The following SHC4 variants were observed in gnomAD, a reference collection of about 807,000 sequenced individuals.
SHC4 encodes SHC adaptor protein 4.
In SHC4, 41 loss-of-function variants were observed where a neutral mutation model predicts 69.4. That is an observed-to-expected ratio of 0.59 (90% CI 0.46 to 0.77). The LOEUF (loss-of-function observed/expected upper bound fraction) is 0.77. Among genes scored for constraint, SHC4 ranks in the 30% least tolerant of loss-of-function variants. SHC4 has a pLI of 0.00. For synonymous variants in SHC4, 318 were observed against 299.3 expected (o/e 1.06, Z -0.64); for missense variants, 777 against 783.8 (o/e 0.99, Z 0.10).
chr15:48,911,210 G>A (rs1441956549), intron 2 of SHC4, among the ~76,000 whole-genome samples: 2 of 151,988 alleles, frequency 1.3e-5, no homozygotes, highest in African/African-American at 4.8e-5. Flanking sequence ...TCATTTCTTA[G>A]GTCTATTAGT....
intron 2 of SHC4, among the ~76,000 whole-genome samples, chr15:48,900,461 C>T (rs1040731872): frequency 2.5e-4 from 38 of 150,584 alleles, no homozygotes; most frequent in East Asian, 2.0e-4. Flanking sequence ...AAGCTGAGAT[C>T]GTGCTACTGC....
At chr15:48,918,170 A>T (rs1250541282) in intron 2 of SHC4, among the ~76,000 whole-genome samples, 2 of 152,056 alleles carry the variant, frequency 1.3e-5, no homozygotes, top group Admixed American at 6.6e-5. Flanking sequence ...GCCCATGGAA[A>T]TTTTTTTTGA....
At chr15:48,849,862 G>A (rs1043705558) in intron 9 of SHC4, among the ~76,000 whole-genome samples, 1 of 152,158 alleles carries the variant, frequency 6.6e-6, no homozygotes, top group Admixed American at 6.5e-5. Context: ...AGAATGGCAT[G>A]GAATTTTAAT....
At chr15:48,839,805 T>C (rs1286515890) in intron 10 of SHC4, among the ~76,000 whole-genome samples, 1 of 152,242 alleles carries the variant, frequency 6.6e-6, no homozygotes, top group Non-Finnish European at 1.5e-5. Flanking sequence ...AGAAGGCAAA[T>C]ATGTTCTATG....
intron 1 of SHC4, among the ~76,000 whole-genome samples, chr15:48,956,669 A>T (rs1321989442): frequency 1.3e-5 from 2 of 152,002 alleles, no homozygotes; most frequent in Non-Finnish European, 2.9e-5. Context: ...TCTAAAACTT[A>T]CTGCCTCCAC....
chr15:48,902,742 C>T (rs965948392), intron 2 of SHC4, among the ~76,000 whole-genome samples: 1 of 152,174 alleles, frequency 6.6e-6, no homozygotes, highest in Non-Finnish European at 1.5e-5. Context: ...AAGTGCCATC[C>T]TAGCTCCAGA....
chr15:48,953,394 C>T lies in SHC4; in HGVS notation c.585+9037G>A, dbSNP rs183291694. The stretch of plus-strand genomic sequence containing the variant: ...CACAAGTTTACCTATGTAACATGTA[C>T]CCCTGAACTTAAAATAAAAGTTAAA... On this transcript the variant is annotated intron_variant, in intron 1 of 11. Coordinates refer to ENST00000332408, the MANE Select transcript of SHC4 (RefSeq NM_203349.4). 2.2e-4 allele frequency among the ~76,000 whole-genome samples: 33 copies of T among 152,068 alleles called. No individual in the cohort carries two copies. The East Asian group carries it at 4.8e-3, about 22-fold the overall frequency.
At chr15:48,836,548 CT>C (rs201585158) in intron 10 of SHC4, among the ~76,000 whole-genome samples, 6 of 150,704 alleles carry the variant, frequency 4.0e-5, no homozygotes, top group South Asian at 4.2e-4. Flanking sequence ...GACTTTGTTT[CT>C]TTTTTTTTGT....
chr15:48,954,779 A>AATAG (rs1555439579), intron 1 of SHC4, among the ~76,000 whole-genome samples: 22 of 152,174 alleles, frequency 1.4e-4, no homozygotes, highest in South Asian at 4.2e-4. Context: ...GCCCAGAGGC[A>AATAG]CCCCCTAGGC....
chr15:48,948,387 G>A (rs1221113040), intron 1 of SHC4, among the ~76,000 whole-genome samples: 5 of 152,216 alleles, frequency 3.3e-5, no homozygotes, highest in African/African-American at 1.2e-4. Flanking sequence ...TTGCTGAATT[G>A]TTAACACAAA....
chr15:48,864,746 C>T (rs1899525551), intron 6 of SHC4, among the ~76,000 whole-genome samples: 1 of 152,092 alleles, frequency 6.6e-6, no homozygotes, highest in African/African-American at 2.4e-5. Flanking sequence ...CGCGCCCGGC[C>T]TCCAATACCA....
intron 10 of SHC4, among the ~76,000 whole-genome samples, chr15:48,842,132 G>A (rs778082579): frequency 1.3e-5 from 2 of 152,176 alleles, no homozygotes; most frequent in Non-Finnish European, 1.5e-5. Flanking sequence ...TTTTTCAGTT[G>A]ATTATAGGCT....
chr15:48,908,929 C>T (rs1322461778), intron 2 of SHC4, among the ~76,000 whole-genome samples: 5 of 152,180 alleles, frequency 3.3e-5, no homozygotes, highest in Admixed American at 2.0e-4. Context: ...ATACCAGTAC[C>T]ACACTGTTTT....
intron 1 of SHC4, among the ~76,000 whole-genome samples, chr15:48,956,751 A>C (rs1901460243): frequency 6.6e-6 from 1 of 152,134 alleles, no homozygotes; most frequent in African/African-American, 2.4e-5. Flanking sequence ...AGGGTGCTAA[A>C]ATAGAAGTGA....
chr15:48,897,494 T>C (rs2141009733), intron 2 of SHC4, among the ~76,000 whole-genome samples: 1 of 151,218 alleles, frequency 6.6e-6, no homozygotes, highest in Non-Finnish European at 1.5e-5. Context: ...TAAGCTCCTC[T>C]GGAAGCAATG....
chr15:48,958,176 G>A (rs1901485279), intron 1 of SHC4, among the ~76,000 whole-genome samples: 1 of 152,220 alleles, frequency 6.6e-6, no homozygotes, highest in African/African-American at 2.4e-5. Context: ...GGGCTGAAGT[G>A]AAGAGACTGA....
At chr15:48,863,246 ATC>A (rs1161016482) in intron 6 of SHC4, among the ~76,000 whole-genome samples, 1 of 152,136 alleles carries the variant, frequency 6.6e-6, no homozygotes, top group African/African-American at 2.4e-5. Flanking sequence ...TCCAGTGGTT[ATC>A]TCAATAACCA....
At position 48,873,997 on chromosome 15, in the gene SHC4, T is replaced by G. The variant is rs148339601; in HGVS notation, c.841-1855A>C. Among the ~76,000 whole-genome samples, 889 of 152,278 alleles carry G rather than the reference T, an allele frequency of 5.8e-3. 10 individuals are homozygous for G. The highest frequency in any genetic ancestry group is 0.02 in the African/African-American group (850 of 41,556). On this transcript the variant is annotated intron_variant, in intron 4 of 11. Transcript: ENST00000332408. The stretch of plus-strand genomic sequence containing the variant: ...CATGCAATTCCAATAAAAATGCTTC[T>G]AAAATTCATATGGAAGAATAAATGT...
intron 2 of SHC4, among the ~76,000 whole-genome samples, chr15:48,922,398 G>T (rs1275853520): frequency 6.6e-6 from 1 of 152,182 alleles, no homozygotes; most frequent in Non-Finnish European, 1.5e-5. Flanking sequence ...ACCCCAGACT[G>T]GGTAATGAAT....
Sources: gnomAD v4.1 joint callset for allele counts (sites outside exome capture counted in the v4.1 genomes callset) on GRCh38, gnomAD v4.1.1 for gene constraint, MANE v1.5 for transcripts, NCBI Gene and HGNC (gene_info 2026-07-23, HGNC 2026-07-21) for gene names.